The following FRMD4B variants were observed in gnomAD, a reference collection of about 807,000 sequenced individuals.
FRMD4B encodes the protein FERM domain containing 4B.
In FRMD4B, 74 loss-of-function variants were observed where a neutral mutation model predicts 141.5. The ratio of observed to expected loss-of-function variants is 0.52; its 90% CI spans 0.43 to 0.63. FRMD4B has a LOEUF of 0.63. Among genes scored for constraint, FRMD4B ranks in the 30% least tolerant of loss-of-function variants. FRMD4B has a pLI of 0.00. For synonymous variants in FRMD4B, 506 were observed against 467.9 expected, an observed-to-expected ratio of 1.08 and a Z score of -1.05; for missense variants, 1,366 against 1,253.4, an observed-to-expected ratio of 1.09 and a Z score of -1.36.
At chr3:69,307,145 G>A (rs1325495531) in intron 3 of FRMD4B, among the ~76,000 whole-genome samples, 2 of 152,182 alleles carry the variant, frequency 1.3e-5, no homozygotes, top group Non-Finnish European at 2.9e-5. Context: ...TCACTTGCCG[G>A]GGAGTGCACA....
intron 7 of FRMD4B, among the ~76,000 whole-genome samples, chr3:69,239,243 AC>A (rs2093365407): frequency 1.3e-5 from 2 of 152,150 alleles, no homozygotes; most frequent in Non-Finnish European, 2.9e-5. Context: ...TCAGCATTCT[AC>A]CAAAGATGCA....
intron 7 of FRMD4B, among the ~76,000 whole-genome samples, chr3:69,240,584 C>T (rs1245897425): frequency 1.3e-5 from 2 of 151,546 alleles, no homozygotes; most frequent in Non-Finnish European, 2.9e-5. Flanking sequence ...ATGTGTTTCT[C>T]TTCTGGGAAA....
At chr3:69,196,529 T>C in intron 13 of FRMD4B, 133 bp from the exon 14 acceptor site, 1 of 616,620 alleles carries the variant, frequency 1.6e-6, no homozygotes. Flanking sequence ...AGTGGCATTC[T>C]TCAGACCAAA....
At chr3:69,425,069 T>C (rs1039809251) in intron 2 of FRMD4B, among the ~76,000 whole-genome samples, 2 of 152,226 alleles carry the variant, frequency 1.3e-5, no homozygotes, top group African/African-American at 4.8e-5. Context: ...GGTGATGTGC[T>C]ATTAGTGTTT....
At position 69,214,494 on chromosome 3, in the gene FRMD4B, A is replaced by G. The variant is rs187689208; in HGVS notation, c.876+1769T>C. On this transcript the variant is annotated intron_variant, in intron 11 of 22. Coordinates refer to ENST00000398540, the MANE Select transcript of FRMD4B (RefSeq NM_015123.3). Reference sequence around the variant, plus strand: ...ACCAAAGGAAGCCAAGAGCAGCTGCATGGTGATCTATATGGATTCTTCAAC... The same window carrying G: ...ACCAAAGGAAGCCAAGAGCAGCTGCGTGGTGATCTATATGGATTCTTCAAC... Among the ~76,000 whole-genome samples the G allele has an allele frequency of 1.2e-3, 187 of 152,288 alleles. 3 individuals carry two copies. The South Asian group carries it at 0.017, about 14-fold the overall frequency.
chr3:69,501,228 CTTTTTTTTTTTTTT>C (rs534864440), intron 1 of FRMD4B, among the ~76,000 whole-genome samples: 1 of 117,302 alleles, frequency 8.5e-6, no homozygotes, highest in East Asian at 2.5e-4. Flanking sequence ...CATGGACCTT[CTTTTTTTTTTTTTT>C]TTTTTTTAGC....
chr3:69,486,403 T>C (rs547766653), intron 1 of FRMD4B, among the ~76,000 whole-genome samples: 3 of 151,382 alleles, frequency 2.0e-5, no homozygotes, highest in Non-Finnish European at 4.4e-5. Context: ...CCAAAGTCCA[T>C]CGTATCTTTC....
At chr3:69,498,026 T>C (rs1396855951) in intron 1 of FRMD4B, among the ~76,000 whole-genome samples, 1 of 152,184 alleles carries the variant, frequency 6.6e-6, no homozygotes, top group Non-Finnish European at 1.5e-5. Context: ...ATTGCACGTA[T>C]ACCATCCAAG....
chr3:69,457,864 T>C (rs1705644701), intron 1 of FRMD4B, among the ~76,000 whole-genome samples: 1 of 152,146 alleles, frequency 6.6e-6, no homozygotes, highest in South Asian at 2.1e-4. Context: ...CTTCCACCAT[T>C]TGTCTCTCTG....
intron 7 of FRMD4B, among the ~76,000 whole-genome samples, chr3:69,245,574 T>C (rs1559748807): frequency 6.6e-6 from 1 of 152,106 alleles, no homozygotes; most frequent in African/African-American, 2.4e-5. Flanking sequence ...CTCAAACTCC[T>C]GGCCTCGAGT....
At chr3:69,493,865 C>T (rs1410062891) in intron 1 of FRMD4B, among the ~76,000 whole-genome samples, 2 of 152,134 alleles carry the variant, frequency 1.3e-5, no homozygotes, top group Admixed American at 6.5e-5. Context: ...TATGACATAT[C>T]TTGTTCATCT....
At chr3:69,511,773 A>G (rs1706693062) in intron 1 of FRMD4B, among the ~76,000 whole-genome samples, 2 of 152,128 alleles carry the variant, frequency 1.3e-5, no homozygotes, top group Admixed American at 1.3e-4. Context: ...TCAGACCTGC[A>G]TTTGTGGTCT....
At chr3:69,378,707 T>TC (rs1704037404) in intron 1 of FRMD4B, among the ~76,000 whole-genome samples, 1 of 151,882 alleles carries the variant, frequency 6.6e-6, no homozygotes, top group African/African-American at 2.4e-5. Flanking sequence ...CACAAAGATC[T>TC]CCCCATAAAC....
intron 1 of FRMD4B, among the ~76,000 whole-genome samples, chr3:69,314,400 A>T (rs1253915693): frequency 6.6e-6 from 1 of 150,840 alleles, no homozygotes; most frequent in African/African-American, 2.4e-5. Flanking sequence ...TGTGGTGCAC[A>T]CTTGTAATCC....
At chr3:69,322,211 G>A (rs139281870) in intron 1 of FRMD4B, among the ~76,000 whole-genome samples, 2 of 152,224 alleles carry the variant, frequency 1.3e-5, no homozygotes, top group Non-Finnish European at 2.9e-5. Flanking sequence ...TCTTACTTTG[G>A]GATCTATTGA....
At chr3:69,486,203 C>T (rs555272114) in intron 1 of FRMD4B, among the ~76,000 whole-genome samples, 4 of 152,238 alleles carry the variant, frequency 2.6e-5, no homozygotes, top group African/African-American at 9.6e-5. Context: ...CTAACTGTTG[C>T]CAACTAATTC....
At chr3:69,499,693 G>C (rs1389339495) in intron 1 of FRMD4B, among the ~76,000 whole-genome samples, 1 of 146,454 alleles carries the variant, frequency 6.8e-6, no homozygotes, top group African/African-American at 2.5e-5. Context: ...CAGGAAGACA[G>C]AGAGAGAGAG....
At chr3:69,470,230 A>T (rs1057453479) in intron 1 of FRMD4B, among the ~76,000 whole-genome samples, 1 of 152,240 alleles carries the variant, frequency 6.6e-6, no homozygotes, top group African/African-American at 2.4e-5. Flanking sequence ...TCATATTTAC[A>T]TTAATAGAGA....
intron 1 of FRMD4B, among the ~76,000 whole-genome samples, chr3:69,351,151 A>C (rs1341458012): frequency 6.6e-6 from 1 of 152,176 alleles, no homozygotes; most frequent in Middle Eastern, 3.2e-3. Flanking sequence ...TTGGAATAAT[A>C]AATTGATTGT....
Sources: gnomAD v4.1 joint callset for allele counts (sites outside exome capture counted in the v4.1 genomes callset) on GRCh38, gnomAD v4.1.1 for gene constraint, MANE v1.5 for transcripts, NCBI Gene and HGNC (gene_info 2026-07-23, HGNC 2026-07-21) for gene names.